The following DDX31 variants were observed in gnomAD, a reference collection of about 807,000 sequenced individuals.
DDX31 encodes ATP-dependent DNA helicase DDX31.
Under a neutral mutation model 91.3 loss-of-function variants are expected in DDX31, and 70 were observed. The ratio of observed to expected loss-of-function variants is 0.77; its 90% CI spans 0.63 to 0.94. DDX31 has a LOEUF of 0.94. Among genes scored for constraint, DDX31 ranks in the 40% least tolerant of loss-of-function variants. The pLI, the probability that DDX31 is intolerant of heterozygous loss-of-function variation, is 0.00. For synonymous variants in DDX31, 362 were observed against 350.6 expected, an observed-to-expected ratio of 1.03 and a Z score of -0.36; for missense variants, 902 against 925.0, an observed-to-expected ratio of 0.98 and a Z score of 0.32.
intron 18 of DDX31, among the ~76,000 whole-genome samples, chr9:132,613,911 A>AC (rs1210019295): frequency 6.6e-6 from 1 of 152,128 alleles, no homozygotes; most frequent in Non-Finnish European, 1.5e-5. Context: ...AAGGAGGGGG[A>AC]CATCCTGCAA....
chr9:132,631,865 G>A (rs1832746791), intron 15 of DDX31, among the ~76,000 whole-genome samples, 176 bp downstream of exon 15: 1 of 152,170 alleles, frequency 6.6e-6, no homozygotes, highest in Non-Finnish European at 1.5e-5. Context: ...CAGTGGTGAG[G>A]TGGGCTGGGT....
chr9:132,630,099 G>A (rs1293845667), intron 16 of DDX31, among the ~76,000 whole-genome samples, 165 bp downstream of exon 16: 11 of 152,206 alleles, frequency 7.2e-5, no homozygotes, highest in Admixed American at 6.5e-4. Context: ...CATGTGCTGA[G>A]GATATTAAAG....
At chr9:132,616,725 A>C (rs1409082340) in intron 18 of DDX31, among the ~76,000 whole-genome samples, 5 of 144,530 alleles carry the variant, frequency 3.5e-5, no homozygotes, top group Non-Finnish European at 7.8e-5. Context: ...GCAAGGTAGG[A>C]AAACCCTTGG....
chr9:132,661,168 C>G, intron 4 of DDX31, 40 bp downstream of exon 4: 1 of 1,582,394 alleles, frequency 6.3e-7, no homozygotes. Context: ...GTTATACCCA[C>G]GTAATGCCTA....
intron 14 of DDX31, 133 bp from the exon 15 acceptor site, chr9:132,632,224 T>G (rs1382681170): frequency 3.4e-6 from 1 of 290,436 alleles, no homozygotes; most frequent in African/African-American, 2.8e-5. Flanking sequence ...GGCATACACG[T>G]ATATGCCCAG....
intron 13 of DDX31, among the ~76,000 whole-genome samples, chr9:132,643,171 A>G (rs1833605851): frequency 6.6e-6 from 1 of 152,148 alleles, no homozygotes; most frequent in Admixed American, 6.5e-5. Flanking sequence ...CTCTATAAAT[A>G]AGTCACTGTG....
chr9:132,622,146 C>T (rs566704040), intron 17 of DDX31, among the ~76,000 whole-genome samples: 1 of 152,296 alleles, frequency 6.6e-6, no homozygotes, highest in East Asian at 1.9e-4. Context: ...CTTTATACCT[C>T]GTTTTATTTA....
In DDX31 at chr9:132,593,170, G is replaced by A. The variant is rs1158996649; in HGVS notation, c.*1696C>T. 1 of 152,204 alleles carries A rather than the reference G, an allele frequency of 6.6e-6. No individual in the cohort carries two copies. The highest frequency in any genetic ancestry group is 1.5e-5 in the Non-Finnish European group (1 of 68,038). 9.4% of individuals were successfully genotyped at this position (152,204 alleles called of 1,614,324 possible). On this transcript the variant is annotated 3_prime_UTR_variant, in exon 20 of 20. Coordinates refer to ENST00000372159, the MANE Select transcript of DDX31 (RefSeq NM_022779.9). ...CACCATAAGAGTTAGCAGATTAAGT[G>A]TGTAAGTTTTGATCTTGGAATTATC...
Position 132,669,899 on chromosome 9 carries a change from G to C in DDX31, c.36C>G (p.Pro12=), listed in dbSNP as rs1238828251. Residue 12 remains proline (P), a synonymous_variant, in exon 1 of 20, where the codon CCC becomes CCG. Transcript: ENST00000372159. ...CTGGGGGACGTCTGGAGAACGTCCT[G>C]GGGTTGTCGAAGAGCGAACCGTCGG... is the stretch of plus-strand genomic sequence containing the variant. The part of the protein sequence containing the change: ...AAADGSLFDN[P]RTFSRRPPAQ... 5.0e-6 allele frequency: 8 copies of C among 1,597,320 alleles called. No homozygotes were observed. The South Asian group carries it at 9.1e-5, about 18-fold the overall frequency.
chr9:132,594,805 C>A lies in DDX31; in HGVS notation c.*61G>T, dbSNP rs186334076. The A allele has an allele frequency of 6.3e-7, 1 of 1,591,998 alleles. No individual in the cohort carries two copies. Among genetic ancestry groups the A allele is most frequent in the Admixed American group, 1.7e-5 (1 of 57,890 alleles). On this transcript the variant is annotated 3_prime_UTR_variant, in exon 20 of 20. Coordinates refer to ENST00000372159, the MANE Select transcript of DDX31 (RefSeq NM_022779.9). Reference sequence around the variant, plus strand: ...TTTCACAAGCCTCCTCTGACAAGAACTGGACATCAATCCACTGCCACCCGG... The same window carrying A: ...TTTCACAAGCCTCCTCTGACAAGAAATGGACATCAATCCACTGCCACCCGG...
In DDX31 at chr9:132,650,312, G is replaced by A. The variant is rs533618320; in HGVS notation, c.676-14C>T. ...CCAGGTGAAAGGCTACAGAAAGACA[G>A]CAGACCACAGTCAGTGCAAAGCCCC... is the stretch of plus-strand genomic sequence containing the variant. On this transcript the variant is annotated splice_polypyrimidine_tract_variant and intron_variant, in intron 8 of 19. Transcript: ENST00000372159. 12 of 1,613,380 alleles carry A rather than the reference G, an allele frequency of 7.4e-6. No individual in the cohort carries two copies. In the East Asian group the frequency reaches 2.5e-4, roughly 33 times the overall value.
At chr9:132,597,618 A>G (rs1022820627) in intron 19 of DDX31, among the ~76,000 whole-genome samples, 23 of 152,336 alleles carry the variant, frequency 1.5e-4, no homozygotes, top group African/African-American at 5.1e-4. Context: ...TGACTGATAC[A>G]CTAATTGCCT....
At chr9:132,664,531 A>C (rs1207983437) in intron 1 of DDX31, among the ~76,000 whole-genome samples, 1 of 152,050 alleles carries the variant, frequency 6.6e-6, no homozygotes, top group Non-Finnish European at 1.5e-5. Flanking sequence ...CAATATGGTG[A>C]AACCCTGTCT....
intron 1 of DDX31, among the ~76,000 whole-genome samples, chr9:132,668,965 G>T (rs1343214795): frequency 6.6e-6 from 1 of 151,992 alleles, no homozygotes; most frequent in Non-Finnish European, 1.5e-5. Flanking sequence ...CTCAAAGCGG[G>T]GGCTTCCAGG....
chr9:132,647,072 AAG>A lies in DDX31; in HGVS notation c.968-16_968-15del. 1 of 1,534,594 alleles carries A rather than the reference AAG, an allele frequency of 6.5e-7. No homozygotes were observed. Among genetic ancestry groups the A allele is most frequent in the Non-Finnish European group, 8.8e-7 (1 of 1,139,926 alleles). On this transcript the variant is annotated splice_polypyrimidine_tract_variant and intron_variant, in intron 11 of 19. Transcript: ENST00000372159. The stretch of plus-strand genomic sequence containing the variant: ...GCCGCGTTACACCTTGGATAAAAGT[AAG>A]AAGGGCAAAGCAGACAACAAACACA...
At chr9:132,597,276 G>A (rs1227756173) in intron 19 of DDX31, among the ~76,000 whole-genome samples, 1 of 152,176 alleles carries the variant, frequency 6.6e-6, no homozygotes, top group Non-Finnish European at 1.5e-5. Flanking sequence ...AGCTGCTGGG[G>A]GCTGACCTGT....
intron 7 of DDX31, among the ~76,000 whole-genome samples, chr9:132,651,788 G>A (rs899005509): frequency 4.6e-5 from 7 of 152,146 alleles, no homozygotes; most frequent in South Asian, 4.1e-4. Context: ...AAGCATCCTC[G>A]AGAAGTAGCA....
At chr9:132,663,041 C>T (rs1835081897) in intron 1 of DDX31, among the ~76,000 whole-genome samples, 1 of 152,128 alleles carries the variant, frequency 6.6e-6, no homozygotes, top group African/African-American at 2.4e-5. Flanking sequence ...CAAGAATCCA[C>T]CTTGTGAAGG....
rs1237212953 is a variant in DDX31, at chr9:132,593,297, G to A, written c.*1569C>T. 1.3e-5 allele frequency: 2 copies of A among 152,174 alleles called. No individual in the cohort carries two copies. Among genetic ancestry groups the A allele is most frequent in the African/African-American group, 4.8e-5 (2 of 41,442 alleles). The allele number at this position is 152,174 out of a possible 1,614,324, so 9.4% of individuals were successfully genotyped here. A position where few individuals can be genotyped will look rare whatever the true frequency, so the allele number is the denominator to read the frequency against. ...TGGAATGAGTACTGGGGGAGAAAAA[G>A]TAAGGTTTCTCTTTGATCATCCCCA... On this transcript the variant is annotated 3_prime_UTR_variant, in exon 20 of 20. Coordinates refer to ENST00000372159, the MANE Select transcript of DDX31 (RefSeq NM_022779.9).
Sources: gnomAD v4.1 joint callset for allele counts (sites outside exome capture counted in the v4.1 genomes callset) on GRCh38, gnomAD v4.1.1 for gene constraint, MANE v1.5 for transcripts, NCBI Gene and HGNC (gene_info 2026-07-23, HGNC 2026-07-21) for gene names.